MOXD1: variants seen among roughly 807,000 people sequenced by gnomAD.
MOXD1 encodes DBH-like monooxygenase protein 1.
A neutral mutation model predicts 66.6 loss-of-function variants in MOXD1; 62 were observed. The observed-to-expected ratio is 0.93, with a 90% CI of 0.76 to 1.15. The LOEUF is 1.15. Ranked by LOEUF, MOXD1 falls within the 50% of genes most tolerant of loss-of-function variation. The pLI is 0.00. For synonymous variants in MOXD1, 303 were observed against 281.9 expected, an observed-to-expected ratio of 1.07 and a Z score of -0.75; for missense variants, 847 against 754.6, an observed-to-expected ratio of 1.12 and a Z score of -1.44.
At chr6:132,350,396 T>A (rs1463794021) in intron 4 of MOXD1, among the ~76,000 whole-genome samples, 3 of 152,126 alleles carry the variant, frequency 2.0e-5, no homozygotes, top group Non-Finnish European at 4.4e-5. Context: ...TTTACCCACT[T>A]TATGTCTTTG....
intron 6 of MOXD1, among the ~76,000 whole-genome samples, chr6:132,325,596 A>T (rs80265449): frequency 6.6e-6 from 1 of 152,260 alleles, no homozygotes. Flanking sequence ...CTCAGCATCC[A>T]GAACTGTGAG....
At chr6:132,370,189 T>C (rs1419151349) in intron 4 of MOXD1, among the ~76,000 whole-genome samples, 1 of 152,104 alleles carries the variant, frequency 6.6e-6, no homozygotes, top group Non-Finnish European at 1.5e-5. Flanking sequence ...TGATGGCTTT[T>C]CAAAACATAG....
chr6:132,357,970 G>T (rs967125923), intron 4 of MOXD1, among the ~76,000 whole-genome samples: 2 of 152,210 alleles, frequency 1.3e-5, no homozygotes, highest in African/African-American at 4.8e-5. Flanking sequence ...TTAGAGGAAA[G>T]AAGGATTACT....
At position 132,372,901 on chromosome 6, in the gene MOXD1, G is replaced by A. The variant is rs201220259; in HGVS notation, c.508C>T (p.Arg170Trp). 71 of 1,613,902 alleles carry A rather than the reference G, an allele frequency of 4.4e-5. No homozygotes were observed. Among genetic ancestry groups the A allele is most frequent in the Non-Finnish European group, 5.5e-5 (65 of 1,179,898 alleles). The change falls in exon 3 of 12, where the codon CGG (arginine) becomes TGG (tryptophan). Residue 170 changes from arginine to tryptophan, a missense_variant. Arg to Trp is a moderately radical substitution (Grantham distance 101, BLOSUM62 -3). Coordinates refer to ENST00000367963, the MANE Select transcript of MOXD1 (RefSeq NM_015529.4). Reference protein sequence around the residue: ...HDSNRGTKSLRLLNPEKTSVL... With the variant: ...HDSNRGTKSLWLLNPEKTSVL... The stretch of plus-strand genomic sequence containing the variant: ...CTAGTTTTCTCAGGATTCAATAACC[G>A]CAAACTCTTGGTGCCCCTATTGGAG...
intron 1 of MOXD1, among the ~76,000 whole-genome samples, chr6:132,375,497 T>C (rs1483456963): frequency 6.6e-6 from 1 of 152,152 alleles, no homozygotes; most frequent in African/African-American, 2.4e-5. Context: ...TGACCTCTGC[T>C]CACTACAAGC....
intron 4 of MOXD1, among the ~76,000 whole-genome samples, chr6:132,360,501 C>T (rs1775996313): frequency 6.6e-6 from 1 of 152,192 alleles, no homozygotes; most frequent in Non-Finnish European, 1.5e-5. Context: ...GCTCACCACA[C>T]CACTACTTCC....
At chr6:132,378,963 T>C (rs1776453731) in intron 1 of MOXD1, among the ~76,000 whole-genome samples, 1 of 136,954 alleles carries the variant, frequency 7.3e-6, no homozygotes, top group Non-Finnish European at 1.5e-5. Flanking sequence ...AATGGCATGA[T>C]GTCAGCTTGG....
intron 10 of MOXD1, among the ~76,000 whole-genome samples, chr6:132,314,106 A>C (rs894819660): frequency 6.6e-6 from 1 of 152,224 alleles, no homozygotes; most frequent in Admixed American, 6.5e-5. Context: ...CAGTAAGAAT[A>C]GATACATCAA....
intron 1 of MOXD1, among the ~76,000 whole-genome samples, chr6:132,386,433 CAA>C (rs143926667): frequency 1.4e-4 from 9 of 65,116 alleles, no homozygotes; most frequent in African/African-American, 3.1e-4. Context: ...CAAAACAAAA[CAA>C]AAAAAAAAAA....
chr6:132,315,438 C>T (rs1774922524), intron 10 of MOXD1, among the ~76,000 whole-genome samples, 197 bp downstream of exon 10: 2 of 152,168 alleles, frequency 1.3e-5, no homozygotes, highest in Non-Finnish European at 2.9e-5. Flanking sequence ...CCTTGCAAAT[C>T]ACAGAACCTG....
At chr6:132,297,980 C>A in intron 10 of MOXD1, 25 bp from the exon 11 acceptor site, 2 of 1,585,550 alleles carry the variant, frequency 1.3e-6, no homozygotes, top group South Asian at 2.3e-5. Flanking sequence ...CACAGTTAGT[C>A]ATATTCAGAA....
chr6:132,303,835 GTATATATATATA>G (rs1158339059), intron 10 of MOXD1, among the ~76,000 whole-genome samples: 93 of 47,542 alleles, frequency 2.0e-3, no homozygotes, highest in Non-Finnish European at 2.3e-3. Flanking sequence ...GTGTGTGTGT[GTATATATATATA>G]TATATATATA....
chr6:132,340,835 A>G (rs1363707070), intron 4 of MOXD1, among the ~76,000 whole-genome samples: 1 of 151,208 alleles, frequency 6.6e-6, no homozygotes, highest in Non-Finnish European at 1.5e-5. Flanking sequence ...TTTAGTAGAG[A>G]CGGGGTTTCA....
Position 132,328,435 on chromosome 6 carries a change from C to A in MOXD1, c.823G>T (p.Ala275Ser). ...AFLTCETVIF[A>S]WAIGGEGFSY... ...CCCACCTCTCCACCAATAGCCCAGGCAAAAATCACAGTTTCACAGGTGAGG... is the reference window on the plus strand; with the variant it reads ...CCCACCTCTCCACCAATAGCCCAGGAAAAAATCACAGTTTCACAGGTGAGG... Residue 275 changes from alanine (A) to serine (S), a missense_variant, in exon 5 of 12, where the codon GCC (alanine) becomes TCC (serine). By Grantham distance (99) the Ala-to-Ser change is moderately conservative (BLOSUM62 1). Coordinates refer to ENST00000367963, the MANE Select transcript of MOXD1 (RefSeq NM_015529.4). 1 of 1,614,050 alleles carries A rather than the reference C, an allele frequency of 6.2e-7. No individual in the cohort carries two copies. Among genetic ancestry groups the A allele is most frequent in the Non-Finnish European group, 8.5e-7 (1 of 1,179,998 alleles).
chr6:132,323,527 CT>C (rs1382449448), intron 7 of MOXD1, among the ~76,000 whole-genome samples: 2 of 151,560 alleles, frequency 1.3e-5, no homozygotes, highest in East Asian at 3.9e-4. Context: ...GTTATTTTTG[CT>C]CTGTGGTGAA....
At chr6:132,388,232 T>A (rs939824724) in intron 1 of MOXD1, among the ~76,000 whole-genome samples, 1 of 151,404 alleles carries the variant, frequency 6.6e-6, no homozygotes, top group Non-Finnish European at 1.5e-5. Context: ...CTCCTAAGAA[T>A]TTTACATGCC....
At chr6:132,339,101 A>C (rs1775498583) in intron 4 of MOXD1, among the ~76,000 whole-genome samples, 1 of 152,238 alleles carries the variant, frequency 6.6e-6, no homozygotes, top group Non-Finnish European at 1.5e-5. Flanking sequence ...CTATGTAATC[A>C]TGAAATATAT....
chr6:132,362,165 T>C (rs1352212235), intron 4 of MOXD1, among the ~76,000 whole-genome samples: 1 of 152,162 alleles, frequency 6.6e-6, no homozygotes, highest in Non-Finnish European at 1.5e-5. Flanking sequence ...AATTGACCTG[T>C]GATATCCTAT....
chr6:132,349,422 C>CATATATATATATACATATATATAT (rs1562289935), intron 4 of MOXD1, among the ~76,000 whole-genome samples: 2 of 36,946 alleles, frequency 5.4e-5, no homozygotes, highest in East Asian at 1.4e-3. Context: ...TATATATATA[C>CATATATATATATACATATATATAT]ATATATATAT....
Sources: allele counts gnomAD v4.1 joint callset (sites outside exome capture counted in the v4.1 genomes callset), GRCh38; gene constraint gnomAD v4.1.1; transcripts MANE v1.5; gene names NCBI Gene and HGNC (gene_info 2026-07-23, HGNC 2026-07-21).